Variants in COL10A1 observed in about 807,000 individuals in gnomAD.
The protein encoded by COL10A1 is collagen type X alpha 1 chain.
COL10A1 carries 10 observed loss-of-function variants against 18.2 expected under a neutral mutation model. The observed-to-expected ratio is 0.55, with a 90% CI of 0.34 to 0.93. COL10A1 has a LOEUF of 0.93. COL10A1 is among the 40% of genes least tolerant of loss of function. COL10A1 has a pLI of 0.02. For missense variants in COL10A1, 897 were observed against 853.5 expected, an observed-to-expected ratio of 1.05 and a Z score of -0.64; for synonymous variants, 330 against 316.6, an observed-to-expected ratio of 1.04 and a Z score of -0.45.
the COL10A1 span, among the ~76,000 whole-genome samples, chr6:116,205,892 G>T: frequency 6.6e-6 from 1 of 151,890 alleles, no homozygotes; most frequent in Non-Finnish European, 1.5e-5. Flanking sequence ...AGGCAAGTCA[G>T]CCTCTCTAGG....
the COL10A1 span, among the ~76,000 whole-genome samples, chr6:116,182,950 A>T: frequency 6.6e-6 from 1 of 152,124 alleles, no homozygotes; most frequent in South Asian, 2.1e-4. Context: ...GTCTTTGCCT[A>T]AACCAGTGTC....
At chr6:116,201,851 A>G in the COL10A1 span, among the ~76,000 whole-genome samples, 11 of 152,132 alleles carry the variant, frequency 7.2e-5, no homozygotes, top group Admixed American at 2.0e-4. Flanking sequence ...ACTTTTTTAA[A>G]TGCTCTATTT....
At chr6:116,204,834 G>A in the COL10A1 span, among the ~76,000 whole-genome samples, 1 of 152,130 alleles carries the variant, frequency 6.6e-6, no homozygotes, top group Non-Finnish European at 1.5e-5. Context: ...ATAGTGTGTA[G>A]TAGGTGCTCA....
chr6:116,126,531 G>A (rs1779317706), upstream of COL10A1, among the ~76,000 whole-genome samples: 1 of 151,968 alleles, frequency 6.6e-6, no homozygotes, highest in Non-Finnish European at 1.5e-5. Context: ...AGGGGGTACT[G>A]GATTTAGACC....
At chr6:116,176,644 T>C in the COL10A1 span, among the ~76,000 whole-genome samples, 1 of 151,866 alleles carries the variant, frequency 6.6e-6, no homozygotes. Context: ...CATAATAGAG[T>C]TTTTCTTCCA....
At chr6:116,206,241 C>A in the COL10A1 span, among the ~76,000 whole-genome samples, 1 of 151,888 alleles carries the variant, frequency 6.6e-6, no homozygotes, top group Non-Finnish European at 1.5e-5. Context: ...TGTACTTAGG[C>A]CAGAGGAACT....
At chr6:116,161,291 T>A (rs992176974), upstream of COL10A1, among the ~76,000 whole-genome samples, 2 of 151,668 alleles carry the variant, frequency 1.3e-5, no homozygotes, top group African/African-American at 2.4e-5. Context: ...TGTATACATA[T>A]GTAACTAACC....
At chr6:116,182,222 A>AGAGTGTGT in the COL10A1 span, among the ~76,000 whole-genome samples, 1 of 124,606 alleles carries the variant, frequency 8.0e-6, no homozygotes, top group Non-Finnish European at 1.7e-5. Context: ...TTCCATGGAG[A>AGAGTGTGT]GTGTGTGTGT....
chr6:116,173,090 T>C, the COL10A1 span, among the ~76,000 whole-genome samples: 1 of 152,204 alleles, frequency 6.6e-6, no homozygotes, highest in Non-Finnish European at 1.5e-5. Flanking sequence ...CTTTTAAAGT[T>C]CAAAATTTGT....
At chr6:116,164,600 T>C in the COL10A1 span, among the ~76,000 whole-genome samples, 1 of 152,244 alleles carries the variant, frequency 6.6e-6, no homozygotes, top group Non-Finnish European at 1.5e-5. Flanking sequence ...TGTGAGGTTT[T>C]GTTCCTTGCC....
At chr6:116,133,059 T>C (rs1779508042) in intron 1 of COL10A1, among the ~76,000 whole-genome samples, 1 of 152,272 alleles carries the variant, frequency 6.6e-6, no homozygotes, top group East Asian at 1.9e-4. Context: ...CTGAGAGTCA[T>C]TTACAAAGTT....
the COL10A1 span, among the ~76,000 whole-genome samples, chr6:116,196,254 G>A: frequency 2.6e-5 from 4 of 151,922 alleles, no homozygotes; most frequent in African/African-American, 9.7e-5. Context: ...TTAACTGATA[G>A]ATTAGTTATA....
chr6:116,194,510 G>C, the COL10A1 span, among the ~76,000 whole-genome samples: 1 of 151,922 alleles, frequency 6.6e-6, no homozygotes, highest in East Asian at 1.9e-4. Flanking sequence ...TTATGTTGTG[G>C]GGAGTTAAAA....
chr6:116,190,085 T>C, the COL10A1 span, among the ~76,000 whole-genome samples: 3 of 151,914 alleles, frequency 2.0e-5, no homozygotes, highest in Non-Finnish European at 4.4e-5. Flanking sequence ...TTTATGGGAA[T>C]AGCAATATCT....
rs2114308316 is a variant in COL10A1 at position 116,125,407 on chromosome 6, G to A, written c.86C>T (p.Thr29Ile). 1.2e-6 allele frequency: 2 copies of A among 1,613,820 alleles called. No individual in the cohort carries two copies. The highest frequency in any genetic ancestry group is 1.3e-5 in the African/African-American group (1 of 74,992). ...GTTGGGTAGTGGGCCTTTTATGCCT[G>A]TGGGCATTTGGTATCGTTCAGCGTA... ...VFYAERYQMPTGIKGPLPNTK... is the reference protein window; with the variant it reads ...VFYAERYQMPIGIKGPLPNTK... Residue 29 changes from threonine to isoleucine, a missense_variant, in exon 2 of 3, where the codon ACA (threonine) becomes ATA (isoleucine). Transcript: ENST00000651968.
chr6:116,143,315 A>G (rs1779812616), intron 1 of COL10A1, among the ~76,000 whole-genome samples: 1 of 152,202 alleles, frequency 6.6e-6, no homozygotes, highest in East Asian at 1.9e-4. Flanking sequence ...GGTTCAAGCA[A>G]TTCTCCTGCC....
chr6:116,169,620 G>C, the COL10A1 span, among the ~76,000 whole-genome samples: 36 of 152,224 alleles, frequency 2.4e-4, no homozygotes, highest in African/African-American at 7.5e-4. Flanking sequence ...GTAGCCTGTA[G>C]TACCTGCTAT....
upstream of COL10A1, among the ~76,000 whole-genome samples, chr6:116,161,234 TA>T (rs777324474): frequency 6.6e-6 from 1 of 150,436 alleles, no homozygotes; most frequent in Non-Finnish European, 1.5e-5. Flanking sequence ...GAGATATACC[TA>T]ATGCTAGATG....
chr6:116,209,427 A>C, the COL10A1 span, among the ~76,000 whole-genome samples: 1 of 152,046 alleles, frequency 6.6e-6, no homozygotes, highest in Non-Finnish European at 1.5e-5. Context: ...TAGGAGTATA[A>C]ACATGAATGT....
Sources: gnomAD v4.1 joint callset for allele counts (sites outside exome capture counted in the v4.1 genomes callset) on GRCh38, gnomAD v4.1.1 for gene constraint, MANE v1.5 for transcripts, NCBI Gene and HGNC (gene_info 2026-07-23, HGNC 2026-07-21) for gene names.